LMBR1: variants seen among roughly 807,000 people sequenced by gnomAD.
LMBR1 encodes the protein limb development membrane protein 1, also known as limb region 1 protein homolog.
LMBR1 carries 52 observed loss-of-function variants against 73.9 expected under a neutral mutation model. That is an observed-to-expected ratio of 0.70 (90% CI 0.56 to 0.89). The LOEUF is 0.89. Ranked by LOEUF, LMBR1 falls within the 40% of genes least tolerant of loss-of-function variation. LMBR1 has a pLI of 0.00. For missense variants in LMBR1, 539 were observed against 579.8 expected (o/e 0.93, Z 0.72); for synonymous variants, 215 against 209.4 (o/e 1.03, Z -0.23).
chr7:156,792,733 C>G (rs1003614282), intron 5 of LMBR1, among the ~76,000 whole-genome samples: 2 of 152,196 alleles, frequency 1.3e-5, no homozygotes, highest in Non-Finnish European at 2.9e-5. Flanking sequence ...ATTTGATTTT[C>G]AATTCAAGCT....
chr7:156,718,902 A>C (rs941070750), intron 15 of LMBR1, among the ~76,000 whole-genome samples: 1 of 152,162 alleles, frequency 6.6e-6, no homozygotes, highest in Non-Finnish European at 1.5e-5. Context: ...ATTGGATTAA[A>C]AACTGAAAGG....
chr7:156,819,367 A>T (rs1243866926), intron 4 of LMBR1, among the ~76,000 whole-genome samples: 1 of 152,236 alleles, frequency 6.6e-6, no homozygotes, highest in Non-Finnish European at 1.5e-5. Flanking sequence ...TAAAGGCACA[A>T]TCAAAAACAT....
At chr7:156,811,421 C>T (rs894120953) in intron 4 of LMBR1, among the ~76,000 whole-genome samples, 1 of 151,776 alleles carries the variant, frequency 6.6e-6, no homozygotes, top group South Asian at 2.1e-4. Context: ...ACCATCCTGG[C>T]CAACATGGTG....
At chr7:156,756,244 C>T in intron 9 of LMBR1, 149 bp downstream of exon 9, 2 of 539,900 alleles carry the variant, frequency 3.7e-6, no homozygotes, top group South Asian at 4.5e-5. Flanking sequence ...CCTCTCTTCA[C>T]CAGGGAAGTT....
At chr7:156,673,517 A>C (rs1803069453), downstream of LMBR1, among the ~76,000 whole-genome samples, 1 of 152,214 alleles carries the variant, frequency 6.6e-6, no homozygotes, top group Non-Finnish European at 1.5e-5. Context: ...TGGCAATTAT[A>C]ATTACATTCA....
intron 1 of LMBR1, among the ~76,000 whole-genome samples, chr7:156,857,053 C>A: frequency 6.6e-6 from 1 of 151,324 alleles, no homozygotes; most frequent in African/African-American, 2.4e-5. Flanking sequence ...AGAAAACAGA[C>A]TCATAAAATG....
At chr7:156,880,169 A>C (rs1157069606) in intron 1 of LMBR1, among the ~76,000 whole-genome samples, 3 of 152,220 alleles carry the variant, frequency 2.0e-5, no homozygotes, top group African/African-American at 4.8e-5. Context: ...ACCCAGCCAT[A>C]AAAAGGAATG....
At chr7:156,698,401 C>T (rs112760278) in intron 15 of LMBR1, among the ~76,000 whole-genome samples, 3,809 of 152,304 alleles carry the variant, frequency 0.025, 162 homozygotes, top group African/African-American at 0.087. Context: ...GCTCTGACCC[C>T]ACATTTTCAT....
chr7:156,880,061 C>T (rs1800838935), intron 1 of LMBR1, among the ~76,000 whole-genome samples: 1 of 152,204 alleles, frequency 6.6e-6, no homozygotes, highest in African/African-American at 2.4e-5. Flanking sequence ...ACGTTTATAG[C>T]AGCACAATGT....
rs138255184 is a variant in LMBR1 at position 156,763,691 on chromosome 7, G to A, written c.528C>T (p.Ala176=). ...TACCATATAAAGATTCCATGCTTGC[G>A]GCATCGTTGTCAATGAGTGCTGAAG... The part of the protein sequence containing the change: ...WVASALIDND[A]ASMESLYDLW... Residue 176 remains alanine, a synonymous_variant, in exon 6 of 17, where the codon GCC becomes GCT. Transcript: ENST00000353442. The A allele has an allele frequency of 1.3e-5, 21 of 1,591,410 alleles. No individual in the cohort carries two copies. Among genetic ancestry groups the A allele is most frequent in the African/African-American group, 1.1e-4 (8 of 73,370 alleles).
Position 156,688,208 on chromosome 7 carries a change from A to G in LMBR1, c.1226-17T>C, listed in dbSNP as rs776597617. 2 of 1,564,444 alleles carry G rather than the reference A, an allele frequency of 1.3e-6. No individual in the cohort carries two copies. Among genetic ancestry groups the G allele is most frequent in the South Asian group, 2.4e-5 (2 of 84,574 alleles). Reference sequence around the variant, plus strand: ...TAGTGATTCCTGTTAAAAATAAATAAAATAGCCCTTAATGAAATCAGGTTA... The same window carrying G: ...TAGTGATTCCTGTTAAAAATAAATAGAATAGCCCTTAATGAAATCAGGTTA... On this transcript the variant is annotated splice_polypyrimidine_tract_variant and intron_variant, in intron 15 of 16. Transcript: ENST00000353442.
chr7:156,743,066 T>C (rs1164329073), intron 9 of LMBR1, among the ~76,000 whole-genome samples: 1 of 152,120 alleles, frequency 6.6e-6, no homozygotes, highest in Admixed American at 6.5e-5. Context: ...TACAAACCTT[T>C]AGAAAATTGG....
downstream of LMBR1, chr7:156,676,168 C>T: frequency 8.6e-7 from 1 of 1,167,066 alleles, no homozygotes; most frequent in Non-Finnish European, 1.2e-6. Flanking sequence ...TCTGGAAGTT[C>T]CTGTTGGATG....
rs980251717 is a variant in LMBR1 at position 156,678,478 on chromosome 7, C to G, written c.*5600G>C. 2.6e-5 allele frequency: 4 copies of G among 152,186 alleles called. No homozygotes were observed. The highest frequency in any genetic ancestry group is 9.7e-5 in the African/African-American group (4 of 41,446). The allele number at this position is 152,186 out of a possible 1,614,324, so 9.4% of individuals were successfully genotyped here. A position where few individuals can be genotyped will look rare whatever the true frequency, so the allele number is the denominator to read the frequency against. The stretch of plus-strand genomic sequence containing the variant: ...GCTAAAAAGGACCTGAATGAAGTAG[C>G]TACTTCTCTGGACAATTTGAAGATA... On this transcript the variant is annotated 3_prime_UTR_variant, in exon 17 of 17. Coordinates refer to ENST00000353442, the MANE Select transcript of LMBR1 (RefSeq NM_022458.4).
chr7:156,723,756 T>C (rs769441966), intron 15 of LMBR1, among the ~76,000 whole-genome samples: 16 of 152,104 alleles, frequency 1.1e-4, no homozygotes, highest in Non-Finnish European at 2.2e-4. Context: ...CCATACTAAA[T>C]TATAAACGCT....
intron 9 of LMBR1, among the ~76,000 whole-genome samples, chr7:156,743,437 A>G (rs1819273688): frequency 6.6e-6 from 1 of 152,178 alleles, no homozygotes; most frequent in South Asian, 2.1e-4. Context: ...ACTGAATCAG[A>G]AAACTAAACT....
At chr7:156,722,557 T>C (rs1408032397) in intron 15 of LMBR1, among the ~76,000 whole-genome samples, 1 of 152,184 alleles carries the variant, frequency 6.6e-6, no homozygotes, top group Non-Finnish European at 1.5e-5. Context: ...TTTCTTTTCA[T>C]CTATTCAATG....
chr7:156,729,169 T>G (rs893172519), intron 10 of LMBR1, among the ~76,000 whole-genome samples: 7 of 152,122 alleles, frequency 4.6e-5, no homozygotes, highest in African/African-American at 1.7e-4. Flanking sequence ...AAAACCAGTT[T>G]GCTACATTAA....
Position 156,669,592 on chromosome 7 carries a change from C to T in LMBR1, n.867-305G>A, listed in dbSNP as rs1210073365. 4.6e-5 allele frequency among the ~76,000 whole-genome samples: 7 copies of T among 152,114 alleles called. No individual in the cohort carries two copies. The highest frequency in any genetic ancestry group is 7.4e-5 in the Non-Finnish European group (5 of 68,006). On this transcript the variant is annotated intron_variant and non_coding_transcript_variant, in intron 4 of 4. Coordinates refer to the LMBR1 transcript ENST00000430825. This position sits in a 1 kb window ranked among gnomAD's most constrained non-coding sequence, Gnocchi z 4.2. The stretch of plus-strand genomic sequence containing the variant: ...GACCCCTGTGAGGCCCTGAGCTGGG[C>T]GCTGAGCAGATAGGTCATTTTCAAG...
Sources: gnomAD v4.1 joint callset for allele counts (sites outside exome capture counted in the v4.1 genomes callset) on GRCh38, gnomAD v4.1.1 for gene constraint, Gnocchi (gnomAD v3.1) non-coding constraint, MANE v1.5 for transcripts, NCBI Gene and HGNC (gene_info 2026-07-23, HGNC 2026-07-21) for gene names.